ZNF112: variants seen among roughly 807,000 people sequenced by gnomAD.
The protein encoded by ZNF112 is zinc finger protein 112 (Y14).
In ZNF112, 37 loss-of-function variants were observed where a neutral mutation model predicts 77.7. The observed-to-expected ratio is 0.48, with a 90% CI of 0.37 to 0.63. The LOEUF is 0.63. ZNF112 is among the 20% of genes least tolerant of loss of function. ZNF112 has a pLI of 0.00. For synonymous variants in ZNF112, 333 were observed against 363.6 expected (o/e 0.92, Z 0.96); for missense variants, 950 against 1,077.4 (o/e 0.88, Z 1.66).
intron 2 of ZNF112, among the ~76,000 whole-genome samples, chr19:44,339,190 G>A (rs1453315818): frequency 6.6e-6 from 1 of 152,190 alleles, no homozygotes; most frequent in Non-Finnish European, 1.5e-5. Flanking sequence ...AAAACAGACT[G>A]TGCAGTAAAG....
intron 1 of ZNF112, among the ~76,000 whole-genome samples, chr19:44,362,915 G>A (rs2123230034): frequency 6.6e-6 from 1 of 152,106 alleles, no homozygotes; most frequent in African/African-American, 2.4e-5. Context: ...TATATCTTGT[G>A]TTATAAAACT....
intron 1 of ZNF112, among the ~76,000 whole-genome samples, chr19:44,363,924 T>G (rs924464210): frequency 1.3e-5 from 2 of 152,190 alleles, no homozygotes; most frequent in African/African-American, 4.8e-5. Flanking sequence ...AGTATTTTTT[T>G]TTGAGATGGA....
intron 3 of ZNF112, among the ~76,000 whole-genome samples, chr19:44,333,001 G>A (rs961906466): frequency 2.0e-5 from 3 of 152,140 alleles, no homozygotes; most frequent in African/African-American, 4.8e-5. Flanking sequence ...ATTGTGTTAA[G>A]TTTATAAATG....
intron 1 of ZNF112, among the ~76,000 whole-genome samples, chr19:44,363,898 A>G (rs1970878160): frequency 6.6e-6 from 1 of 152,100 alleles, no homozygotes; most frequent in Non-Finnish European, 1.5e-5. Context: ...AATCCTAATA[A>G]GCATTTGCTG....
intron 2 of ZNF112, among the ~76,000 whole-genome samples, chr19:44,337,841 ACAC>A (rs1568666172): frequency 0.023 from 3,079 of 135,446 alleles, 50 homozygotes; most frequent in South Asian, 0.053. Flanking sequence ...ACATACACAT[ACAC>A]ACACACACAC....
rs1336988139 is a variant in ZNF112 at position 44,329,924 on chromosome 19, T to A, written c.233A>T (p.Gln78Leu). The change falls in exon 4 of 4, where the codon CAA becomes CTA. Residue 78 changes from glutamine (Q) to leucine (L), a missense_variant. By Grantham distance (113) the Gln-to-Leu change is moderately radical. Transcript: ENST00000354340. ...PRDGCSGRKN[Q>L]QKMESIQEVT... ...TTCCTGAATACTCTCCATCTTTTGT[T>A]GATTCTTCCTTCCTATAAGGATAAA... is the stretch of plus-strand genomic sequence containing the variant. 2 of 1,610,382 alleles carry A rather than the reference T, an allele frequency of 1.2e-6. No homozygotes were observed. Among genetic ancestry groups the A allele is most frequent in the African/African-American group, 1.3e-5 (1 of 74,904 alleles).
chr19:44,335,708 A>C (rs1398493318), intron 3 of ZNF112, among the ~76,000 whole-genome samples: 1 of 152,194 alleles, frequency 6.6e-6, no homozygotes, highest in Non-Finnish European at 1.5e-5. Context: ...TTTAGAGAAA[A>C]AGTTTAACTC....
rs1970139556 is a variant in ZNF112 at position 44,327,255 on chromosome 19, TTAAAGTTC to T, written c.*170_*177del. ...CTTAGCTCCTGTGCAATGACTGATG[TTAAAGTTC>T]TAACAAAATCCCTCGTGAAACCCCT... is the stretch of plus-strand genomic sequence containing the variant. On this transcript the variant is annotated 3_prime_UTR_variant, in exon 4 of 4. Transcript: ENST00000354340. 1.7e-6 allele frequency: 1 copy of T among 575,048 alleles called. No homozygotes were observed. Among genetic ancestry groups the T allele is most frequent in the Non-Finnish European group, 3.0e-6 (1 of 330,192 alleles). 35.6% of individuals were successfully genotyped at this position (575,048 alleles called of 1,614,324 possible).
chr19:44,348,515 T>TA (rs1970636361), intron 1 of ZNF112, among the ~76,000 whole-genome samples: 1 of 152,128 alleles, frequency 6.6e-6, no homozygotes. Context: ...ATCTTTTTCA[T>TA]AAAACAAATC....
upstream of ZNF112, chr19:44,356,822 C>T (rs1568679022): frequency 6.6e-6 from 1 of 152,296 alleles, no homozygotes; most frequent in East Asian, 1.9e-4. Context: ...AAACTCTCCA[C>T]TTATCTGCCT....
At position 44,326,708 on chromosome 19, in the gene ZNF112, A is replaced by T. The variant is rs1970128374; in HGVS notation, c.*725T>A. 6.6e-6 allele frequency: 1 copy of T among 152,196 alleles called. No individual in the cohort carries two copies. Among genetic ancestry groups the T allele is most frequent in the East Asian group, 1.9e-4 (1 of 5,196 alleles). The allele number at this position is 152,196 out of a possible 1,614,324, so 9.4% of individuals were successfully genotyped here. ...GTTCCATTTTTGCAACATTAACCAG[A>T]AACATTGTTTATCAGTTTGTACTGA... On this transcript the variant is annotated 3_prime_UTR_variant, in exon 4 of 4. Coordinates refer to ENST00000354340, the MANE Select transcript of ZNF112 (RefSeq NM_013380.4).
In ZNF112 at chr19:44,327,741, T is replaced by G. The variant is rs1255671157; in HGVS notation, c.2416A>C (p.Lys806Gln). The G allele has an allele frequency of 6.2e-7, 1 of 1,613,958 alleles. No homozygotes were observed. The highest frequency in any genetic ancestry group is 8.5e-7 in the Non-Finnish European group (1 of 1,179,944). Residue 806 changes from lysine (K) to glutamine (Q), a missense_variant, in exon 4 of 4, where the codon AAG (lysine) becomes CAG (glutamine). This residue lies in a region of ZNF112 where 373 missense variants were observed against 482.8 expected (regional missense o/e 0.77). Coordinates refer to ENST00000354340, the MANE Select transcript of ZNF112 (RefSeq NM_013380.4). ...GRPYKCEQCGKGFSGYSSLQA... is the reference protein window; with the variant it reads ...GRPYKCEQCGQGFSGYSSLQA... ...AGACTTGAATACCCACTGAAACCCT[T>G]ACCACACTGTTCACATTTATAGGGT...
rs1400711589 is a variant in ZNF112 at position 44,328,844 on chromosome 19, T to C, written c.1313A>G (p.Asn438Ser). 4.3e-6 allele frequency: 7 copies of C among 1,614,044 alleles called. No homozygotes were observed. Among genetic ancestry groups the C allele is most frequent in the Non-Finnish European group, 5.9e-6 (7 of 1,179,966 alleles). Residue 438 changes from asparagine to serine, a missense_variant, in exon 4 of 4, where the codon AAT (asparagine) becomes AGT (serine). Asn to Ser is a conservative substitution (Grantham distance 46). Around this residue, in one of 3 missense-constraint regions of ZNF112, gnomAD observed 560 missense variants for 557.3 expected, o/e 1.00. Coordinates refer to ENST00000354340, the MANE Select transcript of ZNF112 (RefSeq NM_013380.4). ...HRVHMEENSYNSEECGNGFSL... is the reference protein window; with the variant it reads ...HRVHMEENSYSSEECGNGFSL... ...GAAGCCATTACCACACTCCTCAGAA[T>C]TATATGAATTCTCTTCCATATGAAC...
At chr19:44,337,320 G>C (rs62117828) in intron 2 of ZNF112, among the ~76,000 whole-genome samples, 6 of 92,254 alleles carry the variant, frequency 6.5e-5, no homozygotes, top group African/African-American at 2.7e-4. Flanking sequence ...TTTTGTATAT[G>C]TATAAAATAT....
At chr19:44,343,414 G>A (rs1184575225) in intron 1 of ZNF112, 13 of 832,670 alleles carry the variant, frequency 1.6e-5, no homozygotes, top group South Asian at 1.3e-4. Flanking sequence ...GCCACACACC[G>A]GCGTTAAGGA....
chr19:44,341,890 C>T (rs1407739539), intron 1 of ZNF112, among the ~76,000 whole-genome samples: 1 of 151,530 alleles, frequency 6.6e-6, no homozygotes, highest in Admixed American at 6.6e-5. Context: ...CAGAACTCTG[C>T]TTTGGTTTGC....
chr19:44,341,697 T>C (rs1970493461), intron 1 of ZNF112, among the ~76,000 whole-genome samples: 1 of 152,246 alleles, frequency 6.6e-6, no homozygotes, highest in South Asian at 2.1e-4. Context: ...TGTTTTGTAA[T>C]AATAATTCAT....
At position 44,327,112 on chromosome 19, in the gene ZNF112, GAC is replaced by G. The variant is rs1196717306; in HGVS notation, c.*319_*320del. ...CGTTATGAAATGTCCTAGTTTTGTA[GAC>G]TAGCAATGAACAAAGTCCCTTCTTT... On this transcript the variant is annotated 3_prime_UTR_variant, in exon 4 of 4. Coordinates refer to ENST00000354340, the MANE Select transcript of ZNF112 (RefSeq NM_013380.4). The G allele has an allele frequency of 4.6e-6, 1 of 216,860 alleles. No individual in the cohort carries two copies. Among genetic ancestry groups the G allele is most frequent in the Non-Finnish European group, 9.2e-6 (1 of 108,908 alleles). 13.4% of individuals were successfully genotyped at this position (216,860 alleles called of 1,614,324 possible).
intron 1 of ZNF112, among the ~76,000 whole-genome samples, chr19:44,355,022 T>C (rs983304424): frequency 6.6e-6 from 1 of 152,062 alleles, no homozygotes; most frequent in Non-Finnish European, 1.5e-5. Flanking sequence ...AATCAAACGA[T>C]ATTATACTAA....
Sources: allele counts gnomAD v4.1 joint callset (sites outside exome capture counted in the v4.1 genomes callset), GRCh38; gene constraint gnomAD v4.1.1; regional missense constraint gnomAD v4.1.1; transcripts MANE v1.5; gene names NCBI Gene and HGNC (gene_info 2026-07-23, HGNC 2026-07-21).